Variants in PRDM2 observed in about 807,000 individuals in gnomAD.
PRDM2 encodes PR/SET domain 2.
Under a neutral mutation model 130.0 loss-of-function variants are expected in PRDM2, and 30 were observed. The observed-to-expected ratio is 0.23, with a 90% CI of 0.17 to 0.31. The LOEUF (loss-of-function observed/expected upper bound fraction) is 0.31. Ranked by LOEUF, PRDM2 falls within the 10% of genes least tolerant of loss-of-function variation. PRDM2 has a pLI of 1.00. For synonymous variants in PRDM2, 871 were observed against 782.4 expected (o/e 1.11, Z -1.89); for missense variants, 2,011 against 2,108.4 (o/e 0.95, Z 0.90).
chr1:13,785,201 A>G (rs1430916331), intron 8 of PRDM2, among the ~76,000 whole-genome samples: 1 of 152,214 alleles, frequency 6.6e-6, no homozygotes, highest in Non-Finnish European at 1.5e-5. Context: ...CTGTTTAAGT[A>G]TAGTTCTACT....
Position 13,715,604 on chromosome 1 carries a change from A to G in PRDM2, c.-2A>G. 6.3e-7 allele frequency: 1 copy of G among 1,592,472 alleles called. No homozygotes were observed. Among genetic ancestry groups the G allele is most frequent in the Non-Finnish European group, 8.5e-7 (1 of 1,170,494 alleles). ...CTTTACAGAACACAACAGGAATTGAAAATGAATCAGGTGAGTTTAAAAATC... is the reference window on the plus strand; with the variant it reads ...CTTTACAGAACACAACAGGAATTGAGAATGAATCAGGTGAGTTTAAAAATC... On this transcript the variant is annotated 5_prime_UTR_variant, in exon 2 of 10. Transcript: ENST00000311066.
chr1:13,700,993 T>G (rs1420231790), intron 1 of PRDM2, among the ~76,000 whole-genome samples: 1 of 152,166 alleles, frequency 6.6e-6, no homozygotes, highest in Non-Finnish European at 1.5e-5. Flanking sequence ...ACCTAACAGG[T>G]CAGTGTCATT....
In PRDM2 at chr1:13,823,248, C is replaced by A. The variant is rs368465083; in HGVS notation, c.*113C>A. On this transcript the variant is annotated 3_prime_UTR_variant, in exon 10 of 10. Transcript: ENST00000311066. ...GACCTATCCCAGTTGTGTGAGGCTG[C>A]GAGAGAAAGGGAGTGCATGTGCGCG... The A allele has an allele frequency of 9.0e-5, 141 of 1,566,294 alleles. No individual in the cohort carries two copies. The African/African-American group carries it at 1.7e-3, about 19-fold the overall frequency.
intron 1 of PRDM2, among the ~76,000 whole-genome samples, chr1:13,702,600 A>G (rs908809689): frequency 6.6e-6 from 1 of 152,106 alleles, no homozygotes; most frequent in Non-Finnish European, 1.5e-5. Context: ...ATCTGCGCCT[A>G]TTCTTTTGAT....
rs1310726684 is a variant in PRDM2 at position 13,782,205 on chromosome 1, G to A, written c.4410G>A (p.Leu1470=). 1.2e-6 allele frequency: 2 copies of A among 1,613,526 alleles called. No homozygotes were observed. Among genetic ancestry groups the A allele is most frequent in the East Asian group, 2.2e-5 (1 of 44,866 alleles). Residue 1470 remains leucine (L), a synonymous_variant, in exon 8 of 10, where the codon CTG becomes CTA. Transcript: ENST00000311066. ...GAGAGTTCACTTACATTGGAAGCCT[G>A]AATAAACACGCCGCCTTCAGCTGTC... ...CNREFTYIGS[L]NKHAAFSCPK... is the part of the protein sequence containing the mutation.
chr1:13,709,681 A>G (rs1489458101), intron 1 of PRDM2, among the ~76,000 whole-genome samples: 1 of 152,170 alleles, frequency 6.6e-6, no homozygotes, highest in Non-Finnish European at 1.5e-5. Flanking sequence ...CAAAATGGCA[A>G]CTGTTTTTCT....
intron 8 of PRDM2, among the ~76,000 whole-genome samples, chr1:13,799,142 C>T (rs560571743): frequency 1.3e-5 from 2 of 152,250 alleles, no homozygotes; most frequent in East Asian, 3.9e-4. Flanking sequence ...TAAGGAAGAA[C>T]AGAGAATTAA....
intron 3 of PRDM2, among the ~76,000 whole-genome samples, chr1:13,731,440 C>G (rs1643108201): frequency 6.6e-6 from 1 of 152,220 alleles, no homozygotes; most frequent in African/African-American, 2.4e-5. Flanking sequence ...GTTCCCTTCT[C>G]TCTGATTTCA....
rs900146984 is a variant in PRDM2, at chr1:13,803,386, C to T, written c.5037-13041C>T. Among the ~76,000 whole-genome samples the T allele has an allele frequency of 1.3e-5, 2 of 152,296 alleles. No individual in the cohort carries two copies. Among genetic ancestry groups the T allele is most frequent in the African/African-American group, 4.8e-5 (2 of 41,554 alleles). On this transcript the variant is annotated intron_variant, in intron 8 of 9. Transcript: ENST00000311066. The surrounding 1 kb of genome is among the most constrained non-coding windows in gnomAD (Gnocchi z 6.2). ...GGGTGAGAAGTGAATAGACTCCAAC[C>T]GTGCTCTCCTGGTGCTCCCAGTCCA...
chr1:13,724,583 C>T (rs1441277961), intron 2 of PRDM2, among the ~76,000 whole-genome samples: 3 of 151,376 alleles, frequency 2.0e-5, no homozygotes, highest in Admixed American at 2.0e-4. Flanking sequence ...CAACCTCCGC[C>T]TCTCAGGTTC....
intron 6 of PRDM2, among the ~76,000 whole-genome samples, chr1:13,760,870 T>A (rs1344964001): frequency 6.7e-5 from 10 of 150,106 alleles, no homozygotes; most frequent in Non-Finnish European, 1.2e-4. Flanking sequence ...AAAAAAAAAA[T>A]GAGCAGTTTC....
At chr1:13,759,804 T>C (rs1225345953) in intron 6 of PRDM2, among the ~76,000 whole-genome samples, 1 of 152,184 alleles carries the variant, frequency 6.6e-6, no homozygotes, top group South Asian at 2.1e-4. Flanking sequence ...TTAGCACTAA[T>C]GTTGAAATTA....
intron 1 of PRDM2, among the ~76,000 whole-genome samples, chr1:13,703,655 A>T (rs1642129382): frequency 6.6e-6 from 1 of 152,254 alleles, no homozygotes; most frequent in African/African-American, 2.4e-5. Context: ...ACGTGGAATC[A>T]GCATTCTTAG....
intron 4 of PRDM2, among the ~76,000 whole-genome samples, chr1:13,734,057 A>G (rs1487833383): frequency 2.0e-5 from 3 of 152,112 alleles, no homozygotes; most frequent in African/African-American, 7.2e-5. Flanking sequence ...TTCTCCCAAT[A>G]ATTTTGAGTT....
chr1:13,816,313 AATCCT>A, intron 8 of PRDM2, 109 bp from the exon 9 acceptor site: 1 of 1,350,968 alleles, frequency 7.4e-7, no homozygotes, highest in Non-Finnish European at 1.0e-6. Flanking sequence ...CAGGAAGTGC[AATCCT>A]ATCCTGGCCT....
At chr1:13,808,884 A>C (rs189973967) in intron 8 of PRDM2, among the ~76,000 whole-genome samples, 4 of 152,180 alleles carry the variant, frequency 2.6e-5, no homozygotes, top group African/African-American at 9.7e-5. Context: ...GACCAGGGCC[A>C]TGTTGCCTCA....
At chr1:13,818,687 T>C (rs377238470) in intron 9 of PRDM2, among the ~76,000 whole-genome samples, 5 of 152,118 alleles carry the variant, frequency 3.3e-5, no homozygotes, top group African/African-American at 1.2e-4. Flanking sequence ...TCCCGGCTGT[T>C]TACTTCTCTC....
Position 13,823,977 on chromosome 1 carries a change from T to C in PRDM2, c.*842T>C, listed in dbSNP as rs750241235. On this transcript the variant is annotated 3_prime_UTR_variant, in exon 10 of 10. Transcript: ENST00000311066. ...CATGAACATCTTTAGTGTCTGAGCTTCTCAAATTAGCTGCAATAGGAAAAA... is the reference window on the plus strand; with the variant it reads ...CATGAACATCTTTAGTGTCTGAGCTCCTCAAATTAGCTGCAATAGGAAAAA... 2.0e-5 allele frequency: 3 copies of C among 152,002 alleles called. No homozygotes were observed. Among genetic ancestry groups the C allele is most frequent in the Non-Finnish European group, 2.9e-5 (2 of 68,000 alleles). The allele number at this position is 152,002 out of a possible 1,614,324, so 9.4% of individuals were successfully genotyped here.
At chr1:13,791,651 C>T (rs1644841378) in intron 8 of PRDM2, among the ~76,000 whole-genome samples, 1 of 152,064 alleles carries the variant, frequency 6.6e-6, no homozygotes, top group African/African-American at 2.4e-5. Flanking sequence ...GGATTAGAAC[C>T]TGGAGGGGGT....
Sources: gnomAD v4.1 joint callset for allele counts (sites outside exome capture counted in the v4.1 genomes callset) on GRCh38, gnomAD v4.1.1 for gene constraint, Gnocchi (gnomAD v3.1) non-coding constraint, MANE v1.5 for transcripts, NCBI Gene and HGNC (gene_info 2026-07-23, HGNC 2026-07-21) for gene names.